MTUS2: variants seen among roughly 807,000 people sequenced by gnomAD.
MTUS2 encodes microtubule-associated tumor suppressor candidate 2.
Under a neutral mutation model 114.1 loss-of-function variants are expected in MTUS2, and 40 were observed. That is an observed-to-expected ratio of 0.35 (90% CI 0.27 to 0.46). The LOEUF (loss-of-function observed/expected upper bound fraction) is 0.46, where lower values mean the gene tolerates loss of function less well. Among genes scored for constraint, MTUS2 ranks in the 20% least tolerant of loss-of-function variants. MTUS2 has a pLI of 1.00. For missense variants in MTUS2, 1,679 were observed against 1,705.4 expected (o/e 0.98, Z 0.27); for synonymous variants, 688 against 672.0 (o/e 1.02, Z -0.37).
chr13:29,067,128 A>G (rs532723688), intron 4 of MTUS2, among the ~76,000 whole-genome samples: 1 of 152,278 alleles, frequency 6.6e-6, no homozygotes, highest in Non-Finnish European at 1.5e-5. Context: ...TTAGGTAGAA[A>G]TTTCCAAAAT....
chr13:29,431,180 A>G (rs1046599883), intron 8 of MTUS2, among the ~76,000 whole-genome samples: 1 of 152,226 alleles, frequency 6.6e-6, no homozygotes, highest in Non-Finnish European at 1.5e-5. Flanking sequence ...AAAATTATGA[A>G]TATGAGGATG....
At chr13:28,969,976 T>TC (rs1415649751) in intron 2 of MTUS2, among the ~76,000 whole-genome samples, 1 of 152,202 alleles carries the variant, frequency 6.6e-6, no homozygotes, top group Non-Finnish European at 1.5e-5. Flanking sequence ...AGACAGGGTT[T>TC]CACCATGTTG....
intron 5 of MTUS2, among the ~76,000 whole-genome samples, chr13:29,141,686 G>A (rs1216160131): frequency 6.6e-6 from 1 of 152,120 alleles, no homozygotes; most frequent in Non-Finnish European, 1.5e-5. Flanking sequence ...TTAAATAAAC[G>A]TTAATGAGTC....
At chr13:29,033,233 C>T (rs1367291469) in intron 3 of MTUS2, among the ~76,000 whole-genome samples, 1 of 152,198 alleles carries the variant, frequency 6.6e-6, no homozygotes, top group Non-Finnish European at 1.5e-5. Flanking sequence ...GTGAAACTTG[C>T]TCAAACCTTC....
chr13:28,992,948 T>C (rs1313408154), intron 2 of MTUS2, among the ~76,000 whole-genome samples: 1 of 152,212 alleles, frequency 6.6e-6, no homozygotes, highest in Non-Finnish European at 1.5e-5. Flanking sequence ...TGACTCTAGG[T>C]ACCTTATGTG....
At chr13:28,846,121 T>C (rs192917821) in intron 2 of MTUS2, among the ~76,000 whole-genome samples, 289 of 151,732 alleles carry the variant, frequency 1.9e-3, no homozygotes, top group African/African-American at 6.7e-3. Flanking sequence ...TGTAAGAAAG[T>C]AGAGCTGCTT....
chr13:29,317,326 CT>C (rs1284196976), intron 6 of MTUS2, among the ~76,000 whole-genome samples: 1 of 152,184 alleles, frequency 6.6e-6, no homozygotes, highest in Non-Finnish European at 1.5e-5. Flanking sequence ...AGATATTCCT[CT>C]TAATATTTAA....
At chr13:29,264,073 A>G (rs185829460) in intron 5 of MTUS2, among the ~76,000 whole-genome samples, 54 of 152,398 alleles carry the variant, frequency 3.5e-4, no homozygotes, top group Middle Eastern at 3.4e-3. Flanking sequence ...ATCGACTTCC[A>G]ATATGCAATG....
chr13:29,383,242 G>GTATATATATATATATATATTTA (rs1315060468), intron 8 of MTUS2, among the ~76,000 whole-genome samples: 1,313 of 28,660 alleles, frequency 0.046, 23 homozygotes, highest in African/African-American at 0.072. Context: ...GTGTGTGTGT[G>GTATATATATATATATATATTTA]TGTGTGTGTG....
At chr13:28,908,178 G>A (rs958848092) in intron 2 of MTUS2, among the ~76,000 whole-genome samples, 10 of 151,044 alleles carry the variant, frequency 6.6e-5, no homozygotes, top group African/African-American at 9.8e-5. Flanking sequence ...TTTAGGGTAC[G>A]TGTACACAAC....
chr13:28,934,830 A>T (rs1318383470), intron 2 of MTUS2, among the ~76,000 whole-genome samples: 1 of 152,290 alleles, frequency 6.6e-6, no homozygotes, highest in Admixed American at 6.5e-5. Context: ...GTTATAACTT[A>T]TATACACTAA....
chr13:29,204,279 C>T (rs866169655), intron 5 of MTUS2, among the ~76,000 whole-genome samples: 15 of 152,266 alleles, frequency 9.9e-5, no homozygotes, highest in South Asian at 2.1e-4. Context: ...TGCTTCTATT[C>T]GGCCATCTTG....
intron 5 of MTUS2, among the ~76,000 whole-genome samples, chr13:29,183,112 A>G (rs1001664160): frequency 6.6e-6 from 1 of 152,192 alleles, no homozygotes; most frequent in Admixed American, 6.5e-5. Flanking sequence ...TGTGTTCTGT[A>G]GTTTTATTGC....
At chr13:29,398,091 A>G (rs952935554) in intron 8 of MTUS2, among the ~76,000 whole-genome samples, 1 of 152,236 alleles carries the variant, frequency 6.6e-6, no homozygotes, top group Non-Finnish European at 1.5e-5. Context: ...CATATCTGTT[A>G]TATTACTTGC....
chr13:29,476,173 C>CA (rs1880687064), intron 9 of MTUS2, among the ~76,000 whole-genome samples: 1 of 152,162 alleles, frequency 6.6e-6, no homozygotes, highest in East Asian at 1.9e-4. Flanking sequence ...AGCCTAGGAA[C>CA]AGTAGGCTAC....
chr13:29,165,721 T>C (rs1893289140), intron 5 of MTUS2, among the ~76,000 whole-genome samples: 1 of 152,240 alleles, frequency 6.6e-6, no homozygotes, highest in Admixed American at 6.5e-5. Flanking sequence ...TTTCTGCTAT[T>C]AATGCAACAT....
chr13:29,178,695 T>A (rs557648530), intron 5 of MTUS2, among the ~76,000 whole-genome samples: 54 of 150,316 alleles, frequency 3.6e-4, no homozygotes, highest in Admixed American at 7.3e-4. Flanking sequence ...AAAAAAAAAA[T>A]TTTTTTCTCA....
At chr13:28,880,366 A>G (rs912475653) in intron 2 of MTUS2, among the ~76,000 whole-genome samples, 1 of 152,226 alleles carries the variant, frequency 6.6e-6, no homozygotes, top group Non-Finnish European at 1.5e-5. Flanking sequence ...TATGAAACAC[A>G]GCAGTAAATG....
chr13:29,318,325 G>A (rs1016349237), intron 6 of MTUS2, among the ~76,000 whole-genome samples: 1 of 128,662 alleles, frequency 7.8e-6, no homozygotes, highest in Non-Finnish European at 1.6e-5. Context: ...CTTAAATCTT[G>A]TTTTCCCATT....
Sources: gnomAD v4.1 joint callset for allele counts (sites outside exome capture counted in the v4.1 genomes callset) on GRCh38, gnomAD v4.1.1 for gene constraint, MANE v1.5 for transcripts, NCBI Gene and HGNC (gene_info 2026-07-23, HGNC 2026-07-21) for gene names.